Variants in ULK2 observed in about 807,000 individuals in gnomAD.
ULK2 encodes the protein unc-51 like autophagy activating kinase 2.
A neutral mutation model predicts 127.5 loss-of-function variants in ULK2; 76 were observed. That is an observed-to-expected ratio of 0.60 (90% CI 0.50 to 0.72). The LOEUF is 0.72. Ranked by LOEUF, ULK2 falls within the 30% of genes least tolerant of loss-of-function variation. The probability of loss-of-function intolerance (pLI) is 0.00; values close to 1 mark genes in which losing one functional copy is unlikely to be tolerated. For missense variants in ULK2, 1,144 were observed against 1,295.9 expected, an observed-to-expected ratio of 0.88 and a Z score of 1.80; for synonymous variants, 452 against 461.9, an observed-to-expected ratio of 0.98 and a Z score of 0.28.
chr17:19,774,346 AC>A lies in ULK2; in HGVS notation c.*2002del, dbSNP rs2086779016. ...TAATATACAAGAACAAGAAGAATTA[AC>A]TTGAAAGTCACAAAGCATGGCTTGA... On this transcript the variant is annotated 3_prime_UTR_variant, in exon 27 of 27. Coordinates refer to ENST00000395544, the MANE Select transcript of ULK2 (RefSeq NM_014683.4). The A allele has an allele frequency of 6.6e-6, 1 of 152,348 alleles. No homozygotes were observed. Among genetic ancestry groups the A allele is most frequent in the East Asian group, 1.9e-4 (1 of 5,196 alleles). 9.4% of individuals were successfully genotyped at this position (152,348 alleles called of 1,614,324 possible).
rs376470680 is a variant in ULK2, at chr17:19,804,854, A to C, written c.1158-24T>G. On this transcript the variant is annotated intron_variant, in intron 14 of 26. Coordinates refer to ENST00000395544, the MANE Select transcript of ULK2 (RefSeq NM_014683.4). Reference sequence around the variant, plus strand: ...GCCTGCAATCGTAATTTATTGAAAAAGGAAAGAAACAGTGGTAGGATTGTT... The same window carrying C: ...GCCTGCAATCGTAATTTATTGAAAACGGAAAGAAACAGTGGTAGGATTGTT... 5.2e-5 allele frequency: 83 copies of C among 1,606,938 alleles called. No individual in the cohort carries two copies. In the East Asian group the frequency reaches 7.6e-4, roughly 15 times the overall value.
At chr17:19,845,941 T>C (rs1478494231) in intron 6 of ULK2, among the ~76,000 whole-genome samples, 2 of 151,602 alleles carry the variant, frequency 1.3e-5, no homozygotes, top group African/African-American at 4.8e-5. Flanking sequence ...AAACCCTGTC[T>C]CTACTGAAAA....
At chr17:19,795,550 T>C in intron 20 of ULK2, 72 bp downstream of exon 20, 1 of 1,241,042 alleles carries the variant, frequency 8.1e-7, no homozygotes, top group Non-Finnish European at 1.2e-6. Context: ...GATGATTTGT[T>C]ACAACAGCAG....
chr17:19,842,489 G>A (rs1415293223), intron 8 of ULK2, among the ~76,000 whole-genome samples: 3 of 151,928 alleles, frequency 2.0e-5, no homozygotes, highest in Non-Finnish European at 2.9e-5. Flanking sequence ...GAGCCACCAC[G>A]CCTGGCCATC....
chr17:19,854,273 C>CAA (rs769634028), intron 3 of ULK2, among the ~76,000 whole-genome samples: 2 of 79,548 alleles, frequency 2.5e-5, no homozygotes. Context: ...GATTCCATCT[C>CAA]AAAAAAAAAA....
In ULK2 at chr17:19,781,057, G is replaced by C; in HGVS notation, c.2687C>G (p.Ala896Gly). The C allele has an allele frequency of 6.2e-7, 1 of 1,613,832 alleles. No homozygotes were observed. The highest frequency in any genetic ancestry group is 8.5e-7 in the Non-Finnish European group (1 of 1,179,958). Residue 896 changes from alanine to glycine, a missense_variant, in exon 24 of 27, where the codon GCG becomes GGG. Ala to Gly is a moderately conservative substitution (Grantham distance 60). This residue lies in a region of ULK2 where 913 missense variants were observed against 970.5 expected (regional missense o/e 0.94). Transcript: ENST00000395544. ...GGCTTTGGCAAGATGCAGAGAAGCC[G>C]CAAGCAGCTGTGCTGCTTTCATGTA... The part of the protein sequence containing the change: ...VLYMKAAQLL[A>G]ASLHLAKAQI...
intron 10 of ULK2, among the ~76,000 whole-genome samples, chr17:19,835,965 G>C (rs2041586084): frequency 1.3e-5 from 2 of 151,266 alleles, no homozygotes; most frequent in African/African-American, 4.9e-5. Context: ...CTACAAAAGG[G>C]TAAAAAAATT....
At chr17:19,845,824 T>A (rs888832932) in intron 6 of ULK2, among the ~76,000 whole-genome samples, 1 of 152,086 alleles carries the variant, frequency 6.6e-6, no homozygotes, top group African/African-American at 2.4e-5. Context: ...GAATCAGGGT[T>A]ATGGCCAGGC....
At chr17:19,853,285 A>G (rs1178879758) in intron 3 of ULK2, among the ~76,000 whole-genome samples, 2 of 151,354 alleles carry the variant, frequency 1.3e-5, no homozygotes, top group African/African-American at 2.4e-5. Flanking sequence ...ACAGGTGTGC[A>G]CCACCACGCC....
chr17:19,784,702 T>G (rs2086992083), intron 21 of ULK2, among the ~76,000 whole-genome samples: 1 of 151,834 alleles, frequency 6.6e-6, no homozygotes, highest in African/African-American at 2.4e-5. Context: ...TTCTGTATTT[T>G]TTTTGTAGAG....
At chr17:19,837,278 G>A (rs996947855) in intron 10 of ULK2, among the ~76,000 whole-genome samples, 1 of 151,904 alleles carries the variant, frequency 6.6e-6, no homozygotes, top group Admixed American at 6.6e-5. Flanking sequence ...AAACTAGCCA[G>A]AGGTGGTGTT....
intron 3 of ULK2, among the ~76,000 whole-genome samples, chr17:19,858,978 A>G (rs1210771078): frequency 6.6e-6 from 1 of 152,112 alleles, no homozygotes; most frequent in Non-Finnish European, 1.5e-5. Context: ...TCAAAAAAAA[A>G]GAAAGAAAGA....
intron 20 of ULK2, among the ~76,000 whole-genome samples, chr17:19,793,385 C>T (rs1052429809): frequency 2.3e-4 from 35 of 152,106 alleles, no homozygotes; most frequent in African/African-American, 8.5e-4. Context: ...TTTGACAAGG[C>T]TAGCAAAACA....
At chr17:19,802,994 A>G (rs957782640) in intron 15 of ULK2, among the ~76,000 whole-genome samples, 5 of 152,254 alleles carry the variant, frequency 3.3e-5, no homozygotes, top group Non-Finnish European at 5.9e-5. Context: ...CTGTCAAGGT[A>G]TAACAGAAGC....
chr17:19,833,054 C>T lies in ULK2; in HGVS notation c.787+5447G>A, dbSNP rs112672235. Reference sequence around the variant, plus strand: ...AGGAGAATTGTTTGAACTCGGGCGGCGGAGCTTGCAGTGAGCTGAGATCAT... The same window carrying T: ...AGGAGAATTGTTTGAACTCGGGCGGTGGAGCTTGCAGTGAGCTGAGATCAT... On this transcript the variant is annotated intron_variant, in intron 10 of 26. Transcript: ENST00000395544. 6.5e-3 allele frequency among the ~76,000 whole-genome samples: 919 copies of T among 141,576 alleles called. 9 individuals are homozygous for T. The highest frequency in any genetic ancestry group is 0.022 in the African/African-American group (842 of 37,440). 92.9% of individuals were successfully genotyped at this position (141,576 alleles called of 152,430 possible).
intron 20 of ULK2, among the ~76,000 whole-genome samples, chr17:19,786,944 A>G (rs566126385): frequency 6.6e-6 from 1 of 152,100 alleles, no homozygotes; most frequent in South Asian, 2.1e-4. Context: ...TGTATAAAAC[A>G]TGTATACAGT....
chr17:19,849,656 T>C, intron 4 of ULK2, 86 bp downstream of exon 4: 4 of 1,013,106 alleles, frequency 3.9e-6, no homozygotes, highest in Non-Finnish European at 5.7e-6. Flanking sequence ...CAAAAAGGAT[T>C]TGAAATATGC....
In ULK2 at chr17:19,825,692, T is replaced by TA. The variant is rs1208499289; in HGVS notation, c.835+446dup. On this transcript the variant is annotated intron_variant, in intron 11 of 26. Transcript: ENST00000395544. Reference sequence around the variant, plus strand: ...CTGAGTGACAGAGCAAGACTCCGTTTAAAAAAAAAAGTAGCTGGGTGTGGT... The same window carrying TA: ...CTGAGTGACAGAGCAAGACTCCGTTTAAAAAAAAAAAGTAGCTGGGTGTGGT... Among the ~76,000 whole-genome samples the TA allele has an allele frequency of 6.3e-3, 890 of 141,970 alleles. 14 individuals carry two copies. Among genetic ancestry groups the TA allele is most frequent in the African/African-American group, 0.02 (770 of 38,098 alleles). 93.1% of individuals were successfully genotyped at this position (141,970 alleles called of 152,430 possible).
intron 23 of ULK2, 65 bp downstream of exon 23, chr17:19,781,824 C>T: frequency 6.5e-7 from 1 of 1,543,668 alleles, no homozygotes; most frequent in African/African-American, 1.4e-5. Flanking sequence ...ACAATACCTA[C>T]AACTTAGACA....
Sources: allele counts gnomAD v4.1 joint callset (sites outside exome capture counted in the v4.1 genomes callset), GRCh38; gene constraint gnomAD v4.1.1; regional missense constraint gnomAD v4.1.1; transcripts MANE v1.5; gene names NCBI Gene and HGNC (gene_info 2026-07-23, HGNC 2026-07-21).